The following ZNF681 variants were observed in gnomAD, a reference collection of about 807,000 sequenced individuals.
The protein encoded by ZNF681 is hypothetical protein FLJ31526.
A neutral mutation model predicts 56.0 loss-of-function variants in ZNF681; 37 were observed. The observed-to-expected ratio is 0.66, with a 90% CI of 0.51 to 0.87. ZNF681 has a LOEUF of 0.87. Ranked by LOEUF, ZNF681 falls within the 40% of genes least tolerant of loss-of-function variation. ZNF681 has a pLI of 0.00. For missense variants in ZNF681, 741 were observed against 744.9 expected, an observed-to-expected ratio of 0.99 and a Z score of 0.06; for synonymous variants, 225 against 248.6, an observed-to-expected ratio of 0.91 and a Z score of 0.89.
In ZNF681 at chr19:23,745,023, C is replaced by G; in HGVS notation, c.527G>C (p.Gly176Ala). 1 of 1,594,204 alleles carries G rather than the reference C, an allele frequency of 6.3e-7. No homozygotes were observed. Among genetic ancestry groups the G allele is most frequent in the Non-Finnish European group, 8.6e-7 (1 of 1,168,806 alleles). The change falls in exon 4 of 4, where the codon GGC (glycine) becomes GCC (alanine). Residue 176 changes from glycine to alanine, a missense_variant. Physicochemically the swap from Gly to Ala is moderately conservative, Grantham distance 60. Transcript: ENST00000402377. ...GTTTGAAAATATGCAAAATGATTTG[C>G]CAAATTCTTTATATTTAAAAGGTTT... ...RKKPFKYKEF[G>A]KSFCIFSNLT...
At chr19:23,756,766 A>T (rs1969126038) in intron 1 of ZNF681, among the ~76,000 whole-genome samples, 1 of 152,172 alleles carries the variant, frequency 6.6e-6, no homozygotes, top group Non-Finnish European at 1.5e-5. Context: ...CATATGTCAC[A>T]AACCTACACG....
chr19:23,758,398 C>A (rs1159164862), intron 1 of ZNF681, among the ~76,000 whole-genome samples: 3 of 152,216 alleles, frequency 2.0e-5, no homozygotes, highest in African/African-American at 4.8e-5. Flanking sequence ...GAAAGAGAGA[C>A]TAGGAACGCC....
At chr19:23,750,215 C>T (rs1318448765) in intron 3 of ZNF681, among the ~76,000 whole-genome samples, 2 of 145,512 alleles carry the variant, frequency 1.4e-5, no homozygotes, top group African/African-American at 2.6e-5. Flanking sequence ...ACCCGGGAGG[C>T]AGAGGTTGCA....
At position 23,754,854 on chromosome 19, in the gene ZNF681, TCTA is replaced by T. The variant is rs1969089835; in HGVS notation, c.192_194del (p.Arg65del). On this transcript the variant is annotated inframe_deletion, in exon 3 of 4. Transcript: ENST00000402377. ...GTTCGGCCACCATCCTATGTCTCTTTCTAGTCCAAGGCTCTTTTTCTTGTTCCA... is the reference window on the plus strand; with the variant it reads ...GTTCGGCCACCATCCTATGTCTCTTTGTCCAAGGCTCTTTTTCTTGTTCCA... The T allele has an allele frequency of 6.2e-7, 1 of 1,614,016 alleles. No homozygotes were observed. Among genetic ancestry groups the T allele is most frequent in the South Asian group, 1.1e-5 (1 of 91,084 alleles).
intron 3 of ZNF681, among the ~76,000 whole-genome samples, chr19:23,753,231 T>C (rs888565607): frequency 5.3e-5 from 8 of 152,290 alleles, no homozygotes; most frequent in Admixed American, 4.6e-4. Flanking sequence ...AAACCCCATC[T>C]ATACTAAAAA....
chr19:23,750,859 C>G (rs1268572120), intron 3 of ZNF681, among the ~76,000 whole-genome samples: 1 of 150,300 alleles, frequency 6.7e-6, no homozygotes, highest in Non-Finnish European at 1.5e-5. Flanking sequence ...CGCAGTGGCT[C>G]ACACCTGTAA....
At chr19:23,746,052 T>A (rs1361734860) in intron 3 of ZNF681, among the ~76,000 whole-genome samples, 2 of 152,112 alleles carry the variant, frequency 1.3e-5, no homozygotes, top group African/African-American at 4.8e-5. Flanking sequence ...CGGTGGCTCA[T>A]GCCTGTAATC....
rs113573707 is a variant in ZNF681, at chr19:23,752,520, C to T, written c.226+2303G>A. 6.6e-3 allele frequency among the ~76,000 whole-genome samples: 3 copies of T among 458 alleles called. No individual in the cohort carries two copies. In the Admixed American group the frequency reaches 0.14, roughly 21 times the overall value. The allele number at this position is 458 out of a possible 152,430, so 0.3% of individuals were successfully genotyped here. A position where few individuals can be genotyped will look rare whatever the true frequency, so the allele number is the denominator to read the frequency against. On this transcript the variant is annotated intron_variant, in intron 3 of 3. Transcript: ENST00000402377. ...TTCTTAAATAAGACTCAACCATATACACAGACCTGACTGCAGAAACCTGCC... is the reference window on the plus strand; with the variant it reads ...TTCTTAAATAAGACTCAACCATATATACAGACCTGACTGCAGAAACCTGCC...
intron 3 of ZNF681, among the ~76,000 whole-genome samples, chr19:23,753,669 T>C (rs950172342): frequency 3.2e-5 from 4 of 124,944 alleles, no homozygotes; most frequent in Non-Finnish European, 3.5e-5. Flanking sequence ...GAGACCATCC[T>C]GGCCAACATG....
At chr19:23,753,291 T>C (rs775411354) in intron 3 of ZNF681, among the ~76,000 whole-genome samples, 13 of 152,296 alleles carry the variant, frequency 8.5e-5, no homozygotes, top group Middle Eastern at 3.2e-3. Flanking sequence ...CCCAGCTACT[T>C]GGGAGGCTGA....
Position 23,741,057 on chromosome 19 carries a change from TTTTTAAG to T in ZNF681, c.*2548_*2554del, listed in dbSNP as rs1337522034. On this transcript the variant is annotated 3_prime_UTR_variant, in exon 4 of 4. Coordinates refer to ENST00000402377, the MANE Select transcript of ZNF681 (RefSeq NM_138286.3). ...AGAGAGTATGGATTTGTTTTCAGCATTTTTAAGTTTTTTTAGTTTTGCAGTCATCATC... is the reference window on the plus strand; with the variant it reads ...AGAGAGTATGGATTTGTTTTCAGCATTTTTTTTAGTTTTGCAGTCATCATC... The T allele has an allele frequency of 6.6e-6, 1 of 152,124 alleles. No individual in the cohort carries two copies. The highest frequency in any genetic ancestry group is 6.6e-5 in the Admixed American group (1 of 15,262). The allele number at this position is 152,124 out of a possible 1,614,324, so 9.4% of individuals were successfully genotyped here.
rs908321464 is a variant in ZNF681 at position 23,758,508 on chromosome 19, C to A, written c.3+239G>T. ...TGCACAATCTGGGAGAGACCCGGCG[C>A]TGCGGATGCAGAGCCACCCAGAGAG... On this transcript the variant is annotated intron_variant, in intron 1 of 3. Transcript: ENST00000402377. Among the ~76,000 whole-genome samples the A allele has an allele frequency of 4.6e-5, 7 of 152,240 alleles. No individual in the cohort carries two copies. The East Asian group carries it at 1.2e-3, about 25-fold the overall frequency.
intron 1 of ZNF681, among the ~76,000 whole-genome samples, chr19:23,757,717 G>A (rs1251480323): frequency 3.3e-5 from 5 of 152,084 alleles, no homozygotes; most frequent in African/African-American, 1.2e-4. Context: ...CAAGACTTAA[G>A]GGTAGGGCCA....
At chr19:23,752,092 G>A (rs1445193463) in intron 3 of ZNF681, among the ~76,000 whole-genome samples, 1 of 152,176 alleles carries the variant, frequency 6.6e-6, no homozygotes, top group Non-Finnish European at 1.5e-5. Context: ...TGAGATCCAG[G>A]GAGGGAGTTG....
chr19:23,756,685 C>T (rs1969125021), intron 1 of ZNF681, among the ~76,000 whole-genome samples: 1 of 152,024 alleles, frequency 6.6e-6, no homozygotes, highest in Non-Finnish European at 1.5e-5. Context: ...GGATAAATAG[C>T]TAATGCATGC....
At chr19:23,754,328 C>T (rs1233635489) in intron 3 of ZNF681, among the ~76,000 whole-genome samples, 1 of 152,120 alleles carries the variant, frequency 6.6e-6, no homozygotes. Context: ...CCTGAGAGAA[C>T]TTAAAAGCGT....
chr19:23,749,630 T>C (rs1327364268), intron 3 of ZNF681, among the ~76,000 whole-genome samples: 1 of 151,208 alleles, frequency 6.6e-6, no homozygotes, highest in African/African-American at 2.4e-5. Context: ...AAAAAATTTG[T>C]AGAGTGGGAA....
chr19:23,744,705 T>C lies in ZNF681; in HGVS notation c.845A>G (p.Tyr282Cys). ...GGCTTTGTCACATTCTTCACGTTTG[T>C]AGGGATTCTCTCCAGTATGAATTAT... ...HTIIHTGENP[Y>C]KREECDKAFN... Residue 282 changes from tyrosine (Y) to cysteine (C), a missense_variant, in exon 4 of 4, where the codon TAC (tyrosine) becomes TGC (cysteine). Coordinates refer to ENST00000402377, the MANE Select transcript of ZNF681 (RefSeq NM_138286.3). The C allele has an allele frequency of 1.1e-5, 18 of 1,613,996 alleles. No homozygotes were observed. Among genetic ancestry groups the C allele is most frequent in the Non-Finnish European group, 1.5e-5 (18 of 1,179,904 alleles).
intron 1 of ZNF681, among the ~76,000 whole-genome samples, chr19:23,758,060 G>C (rs768768277): frequency 1.3e-5 from 2 of 152,064 alleles, no homozygotes; most frequent in Non-Finnish European, 2.9e-5. Flanking sequence ...ATCCCTTCAG[G>C]TGATGACATC....
Sources: allele counts gnomAD v4.1 joint callset (sites outside exome capture counted in the v4.1 genomes callset), GRCh38; gene constraint gnomAD v4.1.1; transcripts MANE v1.5; gene names NCBI Gene and HGNC (gene_info 2026-07-23, HGNC 2026-07-21).